Variants in GREM1 observed in about 807,000 individuals in gnomAD.
GREM1 encodes gremlin 1, DAN family BMP antagonist, also known as gremlin-1.
Under a neutral mutation model 13.1 loss-of-function variants are expected in GREM1, and 6 were observed. That is an observed-to-expected ratio of 0.46 (90% CI 0.25 to 0.91). The LOEUF (loss-of-function observed/expected upper bound fraction) is 0.91, where lower values mean the gene tolerates loss of function less well. Ranked by LOEUF, GREM1 falls within the 40% of genes least tolerant of loss-of-function variation. The pLI, the probability that GREM1 is intolerant of heterozygous loss-of-function variation, is 0.18. For missense variants in GREM1, 185 were observed against 233.9 expected (o/e 0.79, Z 1.36); for synonymous variants, 98 against 93.7 (o/e 1.05, Z -0.27).
Position 32,739,652 on chromosome 15 carries a change from T to C in GREM1, c.*8407T>C, listed in dbSNP as rs1310607208. The stretch of plus-strand genomic sequence containing the variant: ...ACAAACACATCTATTCTGCAAAAAT[T>C]CATGGCTAAATTCCTTTGTGAGGAA... On this transcript the variant is annotated 3_prime_UTR_variant, in exon 2 of 2. Coordinates refer to ENST00000651154, the MANE Select transcript of GREM1 (RefSeq NM_013372.7). The C allele has an allele frequency of 6.6e-6, 1 of 152,318 alleles. No individual in the cohort carries two copies. Among genetic ancestry groups the C allele is most frequent in the East Asian group, 1.9e-4 (1 of 5,188 alleles). 9.4% of individuals were successfully genotyped at this position (152,318 alleles called of 1,614,324 possible).
At chr15:32,728,543 G>C (rs1180128567) in intron 1 of GREM1, among the ~76,000 whole-genome samples, 1 of 152,202 alleles carries the variant, frequency 6.6e-6, no homozygotes, top group Non-Finnish European at 1.5e-5. Flanking sequence ...TCCTAGAGTT[G>C]AATGGTGTTT....
chr15:32,738,083 C>CCAAA lies in GREM1; in HGVS notation c.*6838_*6839insCAAA, dbSNP rs2055720047. 3 of 18,910 alleles carry CCAAA rather than the reference C, an allele frequency of 1.6e-4. No homozygotes were observed. The highest frequency in any genetic ancestry group is 1.7e-4 in the Non-Finnish European group (2 of 11,650). The allele number at this position is 18,910 out of a possible 1,614,324, so 1.2% of individuals were successfully genotyped here. A position where few individuals can be genotyped will look rare whatever the true frequency, so the allele number is the denominator to read the frequency against. ...GGAGGTTCTACCTAGGGTAATTAGGCAAAAAAAAAAAAAAAAAAAAAAAAA... is the reference window on the plus strand; with the variant it reads ...GGAGGTTCTACCTAGGGTAATTAGGCCAAAAAAAAAAAAAAAAAAAAAAAAAAAA... On this transcript the variant is annotated 3_prime_UTR_variant, in exon 2 of 2. Transcript: ENST00000651154.
At chr15:32,718,266 G>T in intron 1 of GREM1, 105 bp downstream of exon 1, 1 of 894,600 alleles carries the variant, frequency 1.1e-6, no homozygotes, top group Non-Finnish European at 1.6e-6. Context: ...CTCCGTGCGC[G>T]CAGGCTCGGG....
rs1223101140 is a variant in GREM1, at chr15:32,744,480, G to A, written c.*13235G>A. 1.3e-5 allele frequency: 2 copies of A among 151,936 alleles called. No individual in the cohort carries two copies. Among genetic ancestry groups the A allele is most frequent in the Non-Finnish European group, 2.9e-5 (2 of 68,078 alleles). The allele number at this position is 151,936 out of a possible 1,614,324, so 9.4% of individuals were successfully genotyped here. The stretch of plus-strand genomic sequence containing the variant: ...CCCAGCTACTCGGGAGGCTGAGGCA[G>A]GGGAATGGCGTGAACCCGGGAGACG... On this transcript the variant is annotated 3_prime_UTR_variant, in exon 2 of 2. Transcript: ENST00000651154.
chr15:32,721,275 A>T (rs573488368), intron 1 of GREM1, among the ~76,000 whole-genome samples: 10 of 152,290 alleles, frequency 6.6e-5, no homozygotes, highest in Admixed American at 5.9e-4. Context: ...TAAAAGGAAG[A>T]TGATATTATC....
chr15:32,720,309 A>G (rs1042346520), intron 1 of GREM1, among the ~76,000 whole-genome samples: 2 of 152,206 alleles, frequency 1.3e-5, no homozygotes, highest in African/African-American at 2.4e-5. Flanking sequence ...ACATCTCTGA[A>G]TGAGGGCTGC....
chr15:32,719,226 T>A (rs2055361243), intron 1 of GREM1, among the ~76,000 whole-genome samples: 1 of 152,234 alleles, frequency 6.6e-6, no homozygotes, highest in Admixed American at 6.5e-5. Flanking sequence ...GAGTTATTTG[T>A]AGACTACAGA....
intron 1 of GREM1, among the ~76,000 whole-genome samples, chr15:32,722,973 T>C (rs575509189): frequency 1.6e-4 from 24 of 152,196 alleles, no homozygotes; most frequent in Non-Finnish European, 3.1e-4. Flanking sequence ...TGATGCACCC[T>C]GAGTCTATGA....
At position 32,731,116 on chromosome 15, in the gene GREM1, C is replaced by T. The variant is rs755636439; in HGVS notation, c.426C>T (p.Ser142=). The T allele has an allele frequency of 2.5e-6, 4 of 1,614,050 alleles. No individual in the cohort carries two copies. In the African/African-American group the frequency reaches 5.3e-5, roughly 22 times the overall value. Reference sequence around the variant, plus strand: ...AGGAAGGTTCCTTTCAGTCCTGCTCCTTCTGCAAGCCCAAGAAATTCACTA... The same window carrying T: ...AGGAAGGTTCCTTTCAGTCCTGCTCTTTCTGCAAGCCCAAGAAATTCACTA... ...RKEEGSFQSC[S]FCKPKKFTTM... Residue 142 remains serine, a synonymous_variant, in exon 2 of 2, where the codon TCC becomes TCT. Transcript: ENST00000651154.
chr15:32,739,619 T>C lies in GREM1; in HGVS notation c.*8374T>C, dbSNP rs751976298. On this transcript the variant is annotated 3_prime_UTR_variant, in exon 2 of 2. Transcript: ENST00000651154. ...TGTATTAGCAAATGCTGGACCCTTC[T>C]TCAATCCACAAACACATCTATTCTG... 2.0e-5 allele frequency: 3 copies of C among 151,920 alleles called. No homozygotes were observed. The highest frequency in any genetic ancestry group is 2.9e-5 in the Non-Finnish European group (2 of 68,038). The allele number at this position is 151,920 out of a possible 1,614,324, so 9.4% of individuals were successfully genotyped here.
rs200626367 is a variant in GREM1 at position 32,736,536 on chromosome 15, T to C, written c.*5291T>C. On this transcript the variant is annotated 3_prime_UTR_variant, in exon 2 of 2. Transcript: ENST00000651154. ...AGTAAAGGGAATGCAGAGTTGTCAA[T>C]TGCATGGCGGAGTGTTGAGTGTGCC... The C allele has an allele frequency of 2.0e-5, 3 of 152,234 alleles. No homozygotes were observed. In the East Asian group the frequency reaches 5.8e-4, roughly 29 times the overall value. The allele number at this position is 152,234 out of a possible 1,614,324, so 9.4% of individuals were successfully genotyped here. A position where few individuals can be genotyped will look rare whatever the true frequency, so the allele number is the denominator to read the frequency against.
Position 32,730,025 on chromosome 15 carries a change from C to T in GREM1, c.-1-665C>T, listed in dbSNP as rs574816393. On this transcript the variant is annotated intron_variant, in intron 1 of 1. Transcript: ENST00000651154. ...TTGACATCGAGTTGGATCTGAACAG[C>T]GTACCTGGGGAGACGAAGTATTGGT... is the stretch of plus-strand genomic sequence containing the variant. Among the ~76,000 whole-genome samples, 13 of 152,296 alleles carry T rather than the reference C, an allele frequency of 8.5e-5. No homozygotes were observed. The South Asian group carries it at 1.5e-3, about 17-fold the overall frequency.
rs2055759556 is a variant in GREM1 at position 32,741,354 on chromosome 15, G to C, written c.*10109G>C. On this transcript the variant is annotated 3_prime_UTR_variant, in exon 2 of 2. Coordinates refer to ENST00000651154, the MANE Select transcript of GREM1 (RefSeq NM_013372.7). ...CTTGTTTTTATGATATTGGGGAACA[G>C]TAACAGATCAAAGTACTGTAGTCTT... 6.6e-6 allele frequency: 1 copy of C among 151,258 alleles called. No individual in the cohort carries two copies. Among genetic ancestry groups the C allele is most frequent in the South Asian group, 2.1e-4 (1 of 4,812 alleles). The allele number at this position is 151,258 out of a possible 1,614,324, so 9.4% of individuals were successfully genotyped here.
At position 32,718,049 on chromosome 15, in the gene GREM1, C is replaced by A. The variant is rs1399103942; in HGVS notation, c.-114C>A. ...ACCGGGCGACCCAGTGCACGGCCGC[C>A]GCGTCACTCTCGGTCCCGCTGACCC... On this transcript the variant is annotated 5_prime_UTR_variant, in exon 1 of 2. Coordinates refer to ENST00000651154, the MANE Select transcript of GREM1 (RefSeq NM_013372.7). 1 of 1,166,260 alleles carries A rather than the reference C, an allele frequency of 8.6e-7. No individual in the cohort carries two copies. The highest frequency in any genetic ancestry group is 1.6e-5 in the African/African-American group (1 of 60,996). 72.2% of individuals were successfully genotyped at this position (1,166,260 alleles called of 1,614,324 possible). A position where few individuals can be genotyped will look rare whatever the true frequency, so the allele number is the denominator to read the frequency against.
At position 32,735,986 on chromosome 15, in the gene GREM1, G is replaced by A. The variant is rs1249702748; in HGVS notation, c.*4741G>A. 6.6e-6 allele frequency: 1 copy of A among 152,162 alleles called. No homozygotes were observed. Among genetic ancestry groups the A allele is most frequent in the Non-Finnish European group, 1.5e-5 (1 of 68,038 alleles). 9.4% of individuals were successfully genotyped at this position (152,162 alleles called of 1,614,324 possible). ...AAATCTCTGTGAGCACTGTGATATT[G>A]TAACTTGCACTACTCTCATCTCCCC... On this transcript the variant is annotated 3_prime_UTR_variant, in exon 2 of 2. Coordinates refer to ENST00000651154, the MANE Select transcript of GREM1 (RefSeq NM_013372.7).
chr15:32,727,504 TAA>T (rs1335427402), intron 1 of GREM1, among the ~76,000 whole-genome samples: 13 of 152,048 alleles, frequency 8.5e-5, no homozygotes, highest in Non-Finnish European at 1.3e-4. Context: ...CTCAAAATAA[TAA>T]GAGTTATTTA....
In GREM1 at chr15:32,742,036, T is replaced by G. The variant is rs1033209437; in HGVS notation, c.*10791T>G. 3 of 152,166 alleles carry G rather than the reference T, an allele frequency of 2.0e-5. No homozygotes were observed. The highest frequency in any genetic ancestry group is 4.4e-5 in the Non-Finnish European group (3 of 68,012). 9.4% of individuals were successfully genotyped at this position (152,166 alleles called of 1,614,324 possible). A position where few individuals can be genotyped will look rare whatever the true frequency, so the allele number is the denominator to read the frequency against. On this transcript the variant is annotated 3_prime_UTR_variant, in exon 2 of 2. Coordinates refer to ENST00000651154, the MANE Select transcript of GREM1 (RefSeq NM_013372.7). ...AGGAATAAATCCCACTTTGTCATAGTCTTTGATCCTTTTAATATAATGTTA... is the reference window on the plus strand; with the variant it reads ...AGGAATAAATCCCACTTTGTCATAGGCTTTGATCCTTTTAATATAATGTTA...
chr15:32,735,683 A>T lies in GREM1; in HGVS notation c.*4438A>T, dbSNP rs552470823. 1 of 151,726 alleles carries T rather than the reference A, an allele frequency of 6.6e-6. No homozygotes were observed. The highest frequency in any genetic ancestry group is 2.4e-5 in the African/African-American group (1 of 41,314). The allele number at this position is 151,726 out of a possible 1,614,324, so 9.4% of individuals were successfully genotyped here. Reference sequence around the variant, plus strand: ...GAATGGAAGCAAGTACCAAGGAGAAAGTGTTCTCAGAAAAGCCACACCCAT... The same window carrying T: ...GAATGGAAGCAAGTACCAAGGAGAATGTGTTCTCAGAAAAGCCACACCCAT... On this transcript the variant is annotated 3_prime_UTR_variant, in exon 2 of 2. Coordinates refer to ENST00000651154, the MANE Select transcript of GREM1 (RefSeq NM_013372.7).
At position 32,730,942 on chromosome 15, in the gene GREM1, G is replaced by T. The variant is rs775753186; in HGVS notation, c.252G>T (p.Thr84=). 2 of 1,614,076 alleles carry T rather than the reference G, an allele frequency of 1.2e-6. No individual in the cohort carries two copies. The highest frequency in any genetic ancestry group is 2.2e-5 in the South Asian group (2 of 91,080). Residue 84 remains threonine (T), a synonymous_variant, in exon 2 of 2, where the codon ACG becomes ACT. Transcript: ENST00000651154. ...CCAGCCAAGAGGCCCTGCATGTGAC[G>T]GAGCGCAAATACCTGAAGCGAGACT... ...LESSQEALHV[T]ERKYLKRDWC...
Sources: allele counts gnomAD v4.1 joint callset (sites outside exome capture counted in the v4.1 genomes callset), GRCh38; gene constraint gnomAD v4.1.1; transcripts MANE v1.5; gene names NCBI Gene and HGNC (gene_info 2026-07-23, HGNC 2026-07-21).